KCNMA1: variants seen among roughly 807,000 people sequenced by gnomAD.
KCNMA1 encodes potassium calcium-activated channel subfamily M alpha 1.
A neutral mutation model predicts 140.0 loss-of-function variants in KCNMA1; 29 were observed. The ratio of observed to expected loss-of-function variants is 0.21; its 90% confidence interval spans 0.15 to 0.28. KCNMA1 has a LOEUF of 0.28. Ranked by LOEUF, KCNMA1 falls within the 10% of genes least tolerant of loss-of-function variation. The probability of loss-of-function intolerance (pLI) is 1.00; values close to 1 mark genes in which losing one functional copy is unlikely to be tolerated. For missense variants in KCNMA1, 880 were observed against 1,602.2 expected, an observed-to-expected ratio of 0.55 and a Z score of 7.70; for synonymous variants, 612 against 611.9, an observed-to-expected ratio of 1.00 and a Z score of 0.00.
intron 5 of KCNMA1, among the ~76,000 whole-genome samples, chr10:77,176,454 T>C (rs1000151294): frequency 2.0e-5 from 3 of 151,606 alleles, no homozygotes; most frequent in Non-Finnish European, 2.9e-5. Flanking sequence ...CCTGTTCCCA[T>C]GAAAAGAAAA....
At chr10:76,893,645 C>T (rs1439090265) in intron 25 of KCNMA1, among the ~76,000 whole-genome samples, 2 of 152,014 alleles carry the variant, frequency 1.3e-5, no homozygotes, top group Admixed American at 6.6e-5. Flanking sequence ...GAGGCTGAGG[C>T]CAGAGAATTA....
In KCNMA1 at chr10:76,953,869, C is replaced by T. The variant is rs2067185961; in HGVS notation, c.2416G>A (p.Val806Met). 2.5e-6 allele frequency: 4 copies of T among 1,614,036 alleles called. No homozygotes were observed. The highest frequency in any genetic ancestry group is 3.4e-6 in the Non-Finnish European group (4 of 1,179,934). ...NDQIDNMDSN[V>M]KKYDSTGMFH... ...ATCCCAGTAGAGTCGTACTTCTTCA[C>T]ATTGGAGTCCATGTTGTCAATCTGA... Residue 806 changes from valine to methionine, a missense_variant, in exon 21 of 28, where the codon GTG becomes ATG. This residue lies in a region of KCNMA1 where 196 missense variants were observed against 233.0 expected (regional missense o/e 0.84). Coordinates refer to ENST00000286628, the MANE Select transcript of KCNMA1 (RefSeq NM_001161352.2).
At chr10:76,962,504 T>A (rs902591839) in intron 20 of KCNMA1, among the ~76,000 whole-genome samples, 1 of 152,170 alleles carries the variant, frequency 6.6e-6, no homozygotes, top group Non-Finnish European at 1.5e-5. Context: ...CTGCAAATAC[T>A]GACTTTATTG....
chr10:76,927,169 A>C (rs1315496446), intron 23 of KCNMA1, among the ~76,000 whole-genome samples: 2 of 151,960 alleles, frequency 1.3e-5, no homozygotes, highest in Non-Finnish European at 2.9e-5. Context: ...CTCCTTACAG[A>C]CTCCTTCACA....
At chr10:77,289,222 C>T (rs2072241546) in intron 2 of KCNMA1, among the ~76,000 whole-genome samples, 2 of 152,304 alleles carry the variant, frequency 1.3e-5, no homozygotes, top group Non-Finnish European at 2.9e-5. Context: ...TCCCTTTCCA[C>T]CTTGAACCCA....
chr10:76,965,165 A>G (rs1258711741), intron 20 of KCNMA1, among the ~76,000 whole-genome samples: 1 of 152,084 alleles, frequency 6.6e-6, no homozygotes, highest in Non-Finnish European at 1.5e-5. Context: ...ACAAGGCACC[A>G]CCCCACTAAG....
chr10:77,487,541 C>A (rs1258301956), intron 1 of KCNMA1, among the ~76,000 whole-genome samples: 1 of 152,180 alleles, frequency 6.6e-6, no homozygotes, highest in Non-Finnish European at 1.5e-5. Context: ...CCTTACCACA[C>A]CCCCATTGCA....
At chr10:77,633,021 TAA>T (rs2093371438) in intron 1 of KCNMA1, among the ~76,000 whole-genome samples, 1 of 152,140 alleles carries the variant, frequency 6.6e-6, no homozygotes. Context: ...TGCATTTCCA[TAA>T]AGAGGGCCAG....
chr10:77,390,895 C>T (rs2095798155), intron 2 of KCNMA1, among the ~76,000 whole-genome samples: 1 of 152,138 alleles, frequency 6.6e-6, no homozygotes, highest in Non-Finnish European at 1.5e-5. Context: ...GCAAAGGCTG[C>T]ATCTGAGGGA....
intron 5 of KCNMA1, among the ~76,000 whole-genome samples, chr10:77,130,125 A>G (rs1283779220): frequency 1.3e-5 from 2 of 152,230 alleles, no homozygotes; most frequent in Non-Finnish European, 2.9e-5. Context: ...GCACAAAAAT[A>G]AAGTAGAAAT....
chr10:77,004,799 G>A (rs2087831370), intron 18 of KCNMA1, among the ~76,000 whole-genome samples: 1 of 152,136 alleles, frequency 6.6e-6, no homozygotes, highest in Admixed American at 6.5e-5. Flanking sequence ...TGGATATTCA[G>A]AACCACTGGT....
intron 3 of KCNMA1, among the ~76,000 whole-genome samples, chr10:77,229,336 C>CAA (rs146613662): frequency 4.8e-5 from 6 of 123,742 alleles, no homozygotes; most frequent in Admixed American, 8.0e-5. Flanking sequence ...AAGCCCATGG[C>CAA]AAAAAAAAAA....
At chr10:77,359,296 T>A (rs1191681226) in intron 2 of KCNMA1, among the ~76,000 whole-genome samples, 1 of 151,840 alleles carries the variant, frequency 6.6e-6, no homozygotes, top group Admixed American at 6.6e-5. Context: ...AAGAAACGAG[T>A]GTGTCGGTAT....
chr10:77,451,427 C>T (rs115755752), intron 1 of KCNMA1, among the ~76,000 whole-genome samples: 2,180 of 152,308 alleles, frequency 0.014, 52 homozygotes, highest in African/African-American at 0.049. Context: ...AACCTCGACC[C>T]TGTCTTCAAA....
chr10:76,982,567 G>A (rs2079878342), intron 19 of KCNMA1, among the ~76,000 whole-genome samples: 1 of 152,170 alleles, frequency 6.6e-6, no homozygotes, highest in Non-Finnish European at 1.5e-5. Context: ...TAAACTGTAA[G>A]AAAGTCAATT....
intron 23 of KCNMA1, among the ~76,000 whole-genome samples, chr10:76,943,744 C>A (rs2063198650): frequency 6.6e-6 from 1 of 152,142 alleles, no homozygotes. Context: ...TGTTAGAAGG[C>A]AGTGGTGGTG....
intron 25 of KCNMA1, among the ~76,000 whole-genome samples, chr10:76,900,528 A>G (rs1294977190): frequency 6.6e-6 from 1 of 152,044 alleles, no homozygotes; most frequent in Non-Finnish European, 1.5e-5. Flanking sequence ...AATTTCTGTA[A>G]AAAAGAAAGT....
intron 22 of KCNMA1, among the ~76,000 whole-genome samples, chr10:76,947,620 A>G (rs1292638829): frequency 6.6e-6 from 1 of 152,224 alleles, no homozygotes. Flanking sequence ...AAGCATATAT[A>G]TGCTTATGCT....
chr10:77,185,217 T>A (rs1010536241), intron 3 of KCNMA1, among the ~76,000 whole-genome samples: 3 of 151,932 alleles, frequency 2.0e-5, no homozygotes, highest in Non-Finnish European at 2.9e-5. Context: ...GCAGATACCC[T>A]GGAGGAAGGA....
Sources: gnomAD v4.1 joint callset for allele counts (sites outside exome capture counted in the v4.1 genomes callset) on GRCh38, gnomAD v4.1.1 for gene constraint, gnomAD v4.1.1 regional missense constraint, MANE v1.5 for transcripts, NCBI Gene and HGNC (gene_info 2026-07-23, HGNC 2026-07-21) for gene names.